SYN3: variants seen among roughly 807,000 people sequenced by gnomAD.
SYN3 encodes the protein synapsin-3.
Under a neutral mutation model 65.8 loss-of-function variants are expected in SYN3, and 35 were observed. That is an observed-to-expected ratio of 0.53 (90% CI 0.41 to 0.70). SYN3 has a LOEUF of 0.70. SYN3 is among the 30% of genes least tolerant of loss of function. The probability of loss-of-function intolerance (pLI) is 0.00; values close to 1 mark genes in which losing one functional copy is unlikely to be tolerated. For missense variants in SYN3, 680 were observed against 749.0 expected (o/e 0.91, Z 1.08); for synonymous variants, 270 against 292.9 (o/e 0.92, Z 0.80).
intron 6 of SYN3, among the ~76,000 whole-genome samples, chr22:32,769,026 C>A (rs546739619): frequency 1.1e-3 from 171 of 152,294 alleles, no homozygotes; most frequent in African/African-American, 4.0e-3. Flanking sequence ...CTAGGTATCA[C>A]CCCTTTCGCC....
chr22:32,868,168 T>C (rs1331371490), intron 5 of SYN3, among the ~76,000 whole-genome samples: 1 of 152,144 alleles, frequency 6.6e-6, no homozygotes, highest in African/African-American at 2.4e-5. Flanking sequence ...AAGTGCTCAA[T>C]AAATGGAGTC....
At chr22:32,575,426 C>T (rs1396020952) in intron 7 of SYN3, among the ~76,000 whole-genome samples, 1 of 152,024 alleles carries the variant, frequency 6.6e-6, no homozygotes, top group African/African-American at 2.4e-5. Flanking sequence ...GGGGGTTCCC[C>T]AAGCATGGGG....
chr22:32,856,009 A>T (rs1253329406), intron 6 of SYN3, among the ~76,000 whole-genome samples: 1 of 152,238 alleles, frequency 6.6e-6, no homozygotes, highest in African/African-American at 2.4e-5. Flanking sequence ...AATAAAAAAC[A>T]TGGAGAATTT....
intron 6 of SYN3, among the ~76,000 whole-genome samples, chr22:32,721,652 C>T (rs1199085532): frequency 3.3e-5 from 5 of 152,206 alleles, no homozygotes; most frequent in Admixed American, 6.5e-5. Context: ...CAGATTCCCC[C>T]CAGCTCCCAC....
At chr22:32,669,490 G>A (rs1569138828) in intron 6 of SYN3, among the ~76,000 whole-genome samples, 1 of 152,274 alleles carries the variant, frequency 6.6e-6, no homozygotes, top group South Asian at 2.1e-4. Context: ...ATAAACACTG[G>A]TGTATGCAAA....
At chr22:32,863,388 C>G (rs1325303331) in intron 6 of SYN3, among the ~76,000 whole-genome samples, 1 of 152,198 alleles carries the variant, frequency 6.6e-6, no homozygotes, top group African/African-American at 2.4e-5. Flanking sequence ...AGAATCCCAA[C>G]CTGGTGGAGG....
At chr22:32,691,885 C>A (rs2060665664) in intron 6 of SYN3, among the ~76,000 whole-genome samples, 1 of 151,998 alleles carries the variant, frequency 6.6e-6, no homozygotes, top group South Asian at 2.1e-4. Flanking sequence ...CTGTCTGTCA[C>A]CTCCATCCAT....
chr22:32,799,727 C>G (rs1427814390), intron 6 of SYN3, among the ~76,000 whole-genome samples: 3 of 152,140 alleles, frequency 2.0e-5, no homozygotes, highest in Non-Finnish European at 4.4e-5. Context: ...AACCTGGATC[C>G]TTAGAGTGGC....
intron 6 of SYN3, among the ~76,000 whole-genome samples, chr22:32,656,983 T>G (rs1222853965): frequency 6.6e-6 from 1 of 152,122 alleles, no homozygotes; most frequent in Non-Finnish European, 1.5e-5. Flanking sequence ...GCTGGCAAGG[T>G]GGGTGGGGAG....
intron 6 of SYN3, among the ~76,000 whole-genome samples, chr22:32,759,328 A>G (rs1416396890): frequency 6.6e-6 from 1 of 152,140 alleles, no homozygotes; most frequent in African/African-American, 2.4e-5. Context: ...GGATGGTCAC[A>G]CCATGGGGCT....
intron 1 of SYN3, among the ~76,000 whole-genome samples, chr22:33,029,224 G>C (rs1050192214): frequency 2.6e-5 from 4 of 151,308 alleles, no homozygotes; most frequent in Non-Finnish European, 5.9e-5. Context: ...GCCCCGGCTG[G>C]AGTGCAGTGG....
rs1229762012 is a variant in SYN3 at position 32,596,093 on chromosome 22, G to A, written c.774+581C>T. ...CTCTGTCTCAAAAACAAAATAAAGTGTGTAGCACCTCCCCTTTCTCTCTCT... is the reference window on the plus strand; with the variant it reads ...CTCTGTCTCAAAAACAAAATAAAGTATGTAGCACCTCCCCTTTCTCTCTCT... On this transcript the variant is annotated intron_variant, in intron 7 of 13. Coordinates refer to ENST00000358763, the MANE Select transcript of SYN3 (RefSeq NM_003490.4). 5.3e-5 allele frequency among the ~76,000 whole-genome samples: 8 copies of A among 152,076 alleles called. No individual in the cohort carries two copies. In the East Asian group the frequency reaches 1.4e-3, roughly 26 times the overall value.
chr22:32,955,343 T>C (rs1004775662), intron 3 of SYN3, among the ~76,000 whole-genome samples: 1 of 151,766 alleles, frequency 6.6e-6, no homozygotes, highest in African/African-American at 2.4e-5. Flanking sequence ...TGGAGAAGTG[T>C]GCATGGAAGT....
intron 6 of SYN3, among the ~76,000 whole-genome samples, chr22:32,803,866 A>G (rs1334322907): frequency 2.0e-5 from 3 of 152,172 alleles, no homozygotes; most frequent in African/African-American, 7.2e-5. Context: ...TAGTGGGAGT[A>G]GGTCCCCATT....
At chr22:32,956,306 C>G (rs1186303196) in intron 3 of SYN3, among the ~76,000 whole-genome samples, 2 of 151,886 alleles carry the variant, frequency 1.3e-5, no homozygotes, top group Admixed American at 1.3e-4. Context: ...CAGGTGCCCA[C>G]CACCACGCCC....
At chr22:32,516,872 A>C (rs2057787908) in intron 13 of SYN3, among the ~76,000 whole-genome samples, 1 of 152,144 alleles carries the variant, frequency 6.6e-6, no homozygotes, top group Non-Finnish European at 1.5e-5. Flanking sequence ...TAAGCTTGTG[A>C]GAACTTAAAA....
Position 32,541,588 on chromosome 22 carries a change from G to A in SYN3, c.900C>T (p.Ser300=). The A allele has an allele frequency of 1.2e-6, 2 of 1,614,080 alleles. No individual in the cohort carries two copies. Among genetic ancestry groups the A allele is most frequent in the Non-Finnish European group, 1.7e-6 (2 of 1,180,020 alleles). ...KYDIRIQKIG[S]NYKAYMRTSI... ...AGACTCACATGTAAGCCTTGTAGTT[G>A]GATCCAATTTTCTGGATGCGGATGT... The change falls in exon 8 of 14, where the codon TCC becomes TCT. Residue 300 remains serine (S), a synonymous_variant. Coordinates refer to ENST00000358763, the MANE Select transcript of SYN3 (RefSeq NM_003490.4).
At chr22:33,033,815 C>A (rs1041073316) in intron 1 of SYN3, among the ~76,000 whole-genome samples, 3 of 152,122 alleles carry the variant, frequency 2.0e-5, no homozygotes, top group Non-Finnish European at 4.4e-5. Context: ...CAGACTTGTC[C>A]AGGGTCACTC....
At chr22:33,038,026 C>T (rs982884986) in intron 1 of SYN3, among the ~76,000 whole-genome samples, 9 of 151,756 alleles carry the variant, frequency 5.9e-5, no homozygotes, top group Non-Finnish European at 7.4e-5. Context: ...AACAAAAGAT[C>T]GAGAAAATGA....
Sources: allele counts gnomAD v4.1 joint callset (sites outside exome capture counted in the v4.1 genomes callset), GRCh38; gene constraint gnomAD v4.1.1; transcripts MANE v1.5; gene names NCBI Gene and HGNC (gene_info 2026-07-23, HGNC 2026-07-21).